DOK6: variants seen among roughly 807,000 people sequenced by gnomAD.
The protein encoded by DOK6 is docking protein 6.
A neutral mutation model predicts 44.0 loss-of-function variants in DOK6; 22 were observed. The ratio of observed to expected loss-of-function variants is 0.50; its 90% CI spans 0.36 to 0.71. The LOEUF is 0.71. DOK6 is among the 30% of genes least tolerant of loss of function. DOK6 has a pLI of 0.00. For synonymous variants in DOK6, 166 were observed against 145.5 expected, an observed-to-expected ratio of 1.14 and a Z score of -1.01; for missense variants, 340 against 416.4, an observed-to-expected ratio of 0.82 and a Z score of 1.60.
intron 7 of DOK6, among the ~76,000 whole-genome samples, chr18:69,821,922 A>G (rs574691383): frequency 6.6e-6 from 1 of 152,210 alleles, no homozygotes; most frequent in Non-Finnish European, 1.5e-5. Context: ...CCAGAAATTA[A>G]TTGTGATTAA....
chr18:69,797,072 T>C (rs1319441335), intron 7 of DOK6, among the ~76,000 whole-genome samples: 1 of 152,134 alleles, frequency 6.6e-6, no homozygotes, highest in Non-Finnish European at 1.5e-5. Flanking sequence ...ATTACTAACT[T>C]ACCTCCTGAT....
intron 3 of DOK6, among the ~76,000 whole-genome samples, chr18:69,632,122 G>GA (rs1399573924): frequency 1.3e-5 from 2 of 152,062 alleles, no homozygotes; most frequent in Non-Finnish European, 2.9e-5. Context: ...TATTTCCCTT[G>GA]ATGACCATGC....
intron 1 of DOK6, among the ~76,000 whole-genome samples, chr18:69,522,220 A>ACACC (rs1185310848): frequency 6.6e-6 from 1 of 151,896 alleles, no homozygotes; most frequent in Non-Finnish European, 1.5e-5. Flanking sequence ...ACACACACAC[A>ACACC]CACCCACACA....
intron 7 of DOK6, among the ~76,000 whole-genome samples, chr18:69,816,587 A>G (rs1328578772): frequency 3.3e-5 from 5 of 152,254 alleles, no homozygotes; most frequent in Admixed American, 6.5e-5. Context: ...ACAGGAGTAA[A>G]TAAATACTAT....
intron 4 of DOK6, among the ~76,000 whole-genome samples, chr18:69,697,030 G>T (rs916998468): frequency 3.9e-5 from 6 of 152,138 alleles, no homozygotes; most frequent in African/African-American, 1.4e-4. Flanking sequence ...TGAATTATTA[G>T]ATAAGCTATT....
chr18:69,482,711 G>A (rs985217059), intron 1 of DOK6, among the ~76,000 whole-genome samples: 1 of 151,858 alleles, frequency 6.6e-6, no homozygotes, highest in Non-Finnish European at 1.5e-5. Flanking sequence ...GCATCCTTAT[G>A]TATATCTCTG....
At chr18:69,512,332 C>CTTCTTCTTTTTT (rs59109570) in intron 1 of DOK6, among the ~76,000 whole-genome samples, 2 of 91,680 alleles carry the variant, frequency 2.2e-5, no homozygotes, top group African/African-American at 9.4e-5. Flanking sequence ...CTTTCTTCTT[C>CTTCTTCTTTTTT]TTTTTTTTTT....
intron 1 of DOK6, among the ~76,000 whole-genome samples, chr18:69,433,614 C>CTAA (rs1978866651): frequency 6.6e-6 from 1 of 151,906 alleles, no homozygotes; most frequent in Admixed American, 6.6e-5. Context: ...CAGTGAGACT[C>CTAA]AGTGTGCACA....
At chr18:69,592,224 G>C (rs1983637956) in intron 2 of DOK6, among the ~76,000 whole-genome samples, 1 of 146,234 alleles carries the variant, frequency 6.8e-6, no homozygotes, top group South Asian at 2.1e-4. Context: ...GGTGGCTTTT[G>C]TTTTTCTTTT....
In DOK6 at chr18:69,599,508, T is replaced by C. The variant is rs1983824429; in HGVS notation, c.289+10T>C. On this transcript the variant is annotated intron_variant, in intron 3 of 7. Transcript: ENST00000382713. ...TTTGCCTGTGAGTCAGGTAAGCTAT[T>C]ATTGGCCATCTACCCCTTGAGGAAA... The C allele has an allele frequency of 1.2e-6, 2 of 1,610,112 alleles. No individual in the cohort carries two copies. The highest frequency in any genetic ancestry group is 1.7e-6 in the Non-Finnish European group (2 of 1,177,336).
At chr18:69,799,745 T>C (rs1316480813) in intron 7 of DOK6, among the ~76,000 whole-genome samples, 2 of 152,024 alleles carry the variant, frequency 1.3e-5, no homozygotes, top group Admixed American at 1.3e-4. Context: ...ATAATAAATC[T>C]GAGGTGTGGT....
chr18:69,488,355 G>A (rs1212225428), intron 1 of DOK6, among the ~76,000 whole-genome samples: 1 of 152,048 alleles, frequency 6.6e-6, no homozygotes, highest in African/African-American at 2.4e-5. Flanking sequence ...CTTAACACTG[G>A]GTCTCCCTCC....
chr18:69,478,106 T>C (rs1980317944), intron 1 of DOK6, among the ~76,000 whole-genome samples: 1 of 152,250 alleles, frequency 6.6e-6, no homozygotes, highest in African/African-American at 2.4e-5. Flanking sequence ...AACTAATCTG[T>C]ACTTCACAAA....
rs555969045 is a variant in DOK6 at position 69,666,834 on chromosome 18, A to G, written c.290-10900A>G. On this transcript the variant is annotated intron_variant, in intron 3 of 7. Transcript: ENST00000382713. ...AAGTTGCCTGCAGGCTGCCATCAGC[A>G]GGGATTCACAAGCTGTGTACTCAGC... Among the ~76,000 whole-genome samples, 36 of 152,330 alleles carry G rather than the reference A, an allele frequency of 2.4e-4. No individual in the cohort carries two copies. The South Asian group carries it at 7.0e-3, about 30-fold the overall frequency.
chr18:69,558,994 T>A (rs571789686), intron 1 of DOK6, among the ~76,000 whole-genome samples: 123 of 152,064 alleles, frequency 8.1e-4, no homozygotes, highest in Admixed American at 3.3e-3. Context: ...TGAAAAAAAA[T>A]AATAACTTAA....
chr18:69,652,555 G>A (rs1234091359), intron 3 of DOK6, among the ~76,000 whole-genome samples: 1 of 152,186 alleles, frequency 6.6e-6, no homozygotes, highest in Non-Finnish European at 1.5e-5. Context: ...GGCAGCATCA[G>A]GAGAACTCTA....
At chr18:69,814,195 A>C (rs1981328596) in intron 7 of DOK6, among the ~76,000 whole-genome samples, 1 of 152,128 alleles carries the variant, frequency 6.6e-6, no homozygotes, top group South Asian at 2.1e-4. Flanking sequence ...ATCCAAGGAA[A>C]AATACAGAGG....
At chr18:69,481,144 C>A (rs539933190) in intron 1 of DOK6, among the ~76,000 whole-genome samples, 153 of 152,242 alleles carry the variant, frequency 1.0e-3, no homozygotes, top group Non-Finnish European at 1.5e-3. Flanking sequence ...AGCCTTTTCT[C>A]GTTCACATCC....
intron 3 of DOK6, among the ~76,000 whole-genome samples, chr18:69,613,067 C>T (rs1289213491): frequency 1.3e-5 from 2 of 151,968 alleles, no homozygotes; most frequent in Non-Finnish European, 2.9e-5. Flanking sequence ...GATGGGGTTT[C>T]GTTATGTTGC....
Sources: allele counts gnomAD v4.1 joint callset (sites outside exome capture counted in the v4.1 genomes callset), GRCh38; gene constraint gnomAD v4.1.1; transcripts MANE v1.5; gene names NCBI Gene and HGNC (gene_info 2026-07-23, HGNC 2026-07-21).